Variants in WDFY1 observed in about 807,000 individuals in gnomAD.
WDFY1 encodes the protein WD repeat and FYVE domain containing 1.
In WDFY1, 32 loss-of-function variants were observed where a neutral mutation model predicts 56.4. The ratio of observed to expected loss-of-function variants is 0.57; its 90% CI spans 0.43 to 0.76. The LOEUF (loss-of-function observed/expected upper bound fraction) is 0.76. Among genes scored for constraint, WDFY1 ranks in the 30% least tolerant of loss-of-function variants. The probability of loss-of-function intolerance (pLI) is 0.00; values close to 1 mark genes in which losing one functional copy is unlikely to be tolerated. For synonymous variants in WDFY1, 192 were observed against 197.3 expected, an observed-to-expected ratio of 0.97 and a Z score of 0.23; for missense variants, 480 against 545.7, an observed-to-expected ratio of 0.88 and a Z score of 1.20.
chr2:223,879,215 C>G (rs1693023703), intron 11 of WDFY1, among the ~76,000 whole-genome samples: 1 of 152,086 alleles, frequency 6.6e-6, no homozygotes, highest in Non-Finnish European at 1.5e-5. Flanking sequence ...AAAGATAAAA[C>G]AATGTAGTTC....
intron 1 of WDFY1, among the ~76,000 whole-genome samples, chr2:223,927,959 G>GGAGA (rs372668847): frequency 6.6e-6 from 1 of 151,814 alleles, no homozygotes; most frequent in African/African-American, 2.4e-5. Flanking sequence ...AAAGAGGGAG[G>GGAGA]GAGAGAGAGA....
At chr2:223,916,584 G>A (rs1693792091) in intron 2 of WDFY1, among the ~76,000 whole-genome samples, 1 of 152,148 alleles carries the variant, frequency 6.6e-6, no homozygotes. Context: ...CACTGATTAA[G>A]GACGAAACCT....
Position 223,889,338 on chromosome 2 carries a change from C to T in WDFY1, c.832-4589G>A, listed in dbSNP as rs554572724. ...CACTTGTCAGCAGTGTCCTCAGGCA[C>T]GTGACTCAACTTCTCTGTGCCTAGG... On this transcript the variant is annotated intron_variant, in intron 8 of 11. Coordinates refer to ENST00000233055, the MANE Select transcript of WDFY1 (RefSeq NM_020830.5). 3.9e-5 allele frequency among the ~76,000 whole-genome samples: 6 copies of T among 152,262 alleles called. No homozygotes were observed. In the East Asian group the frequency reaches 7.7e-4, roughly 20 times the overall value.
At position 223,876,962 on chromosome 2, in the gene WDFY1, T is replaced by A. The variant is rs536365684; in HGVS notation, c.*1709A>T. The A allele has an allele frequency of 6.6e-6, 1 of 152,336 alleles. No homozygotes were observed. Among genetic ancestry groups the A allele is most frequent in the African/African-American group, 2.4e-5 (1 of 41,588 alleles). 9.4% of individuals were successfully genotyped at this position (152,336 alleles called of 1,614,324 possible). On this transcript the variant is annotated 3_prime_UTR_variant, in exon 12 of 12. Coordinates refer to ENST00000233055, the MANE Select transcript of WDFY1 (RefSeq NM_020830.5). ...CCACTACTCAATTTTTCTTCCAAAC[T>A]ATGTTAGTAATATACATTTTGCAAA...
At chr2:223,915,651 AATTTTCCCCAATGATGACAAAAC>A (rs1470653839) in intron 2 of WDFY1, among the ~76,000 whole-genome samples, 1 of 152,170 alleles carries the variant, frequency 6.6e-6, no homozygotes, top group Admixed American at 6.5e-5. Context: ...GTATTAACAA[AATTTTCCCCAATGATGACAAAAC>A]ATTTCCCAGC....
At chr2:223,934,504 G>A (rs73089298) in intron 1 of WDFY1, among the ~76,000 whole-genome samples, 6,048 of 152,094 alleles carry the variant, frequency 0.04, 357 homozygotes, top group African/African-American at 0.14. Context: ...TGTTTTTCAT[G>A]TTAGAAAAAT....
chr2:223,905,480 C>A (rs1267053342), intron 4 of WDFY1, among the ~76,000 whole-genome samples: 2 of 152,066 alleles, frequency 1.3e-5, no homozygotes, highest in Non-Finnish European at 2.9e-5. Flanking sequence ...CATACTGAGA[C>A]CTCGTCTCCA....
intron 1 of WDFY1, among the ~76,000 whole-genome samples, chr2:223,930,245 A>G (rs928414917): frequency 6.6e-6 from 1 of 152,200 alleles, no homozygotes; most frequent in East Asian, 1.9e-4. Flanking sequence ...CAATGTGCTC[A>G]ATTCTTTACT....
At chr2:223,889,856 T>C (rs1442157584) in intron 8 of WDFY1, among the ~76,000 whole-genome samples, 2 of 152,342 alleles carry the variant, frequency 1.3e-5, no homozygotes, top group African/African-American at 2.4e-5. Context: ...GTCCAGGCAA[T>C]GTGCCAAGTG....
chr2:223,945,180 C>A lies in WDFY1; in HGVS notation c.105G>T (p.Lys35Asn), dbSNP rs1689390377. Residue 35 changes from lysine to asparagine, a missense_variant, in exon 1 of 12, where the codon AAG becomes AAT. Physicochemically the swap from Lys to Asn is moderately conservative, Grantham distance 94. Transcript: ENST00000233055. ...CGCTGGCCGTGATCACGCCGTCCTCCTTGGGGATGAGCAGCGCGGCCGTGA... is the reference window on the plus strand; with the variant it reads ...CGCTGGCCGTGATCACGCCGTCCTCATTGGGGATGAGCAGCGCGGCCGTGA... Reference protein sequence around the residue: ...DAVTAALLIPKEDGVITASED... With the variant: ...DAVTAALLIPNEDGVITASED... 10 of 1,598,372 alleles carry A rather than the reference C, an allele frequency of 6.3e-6. No homozygotes were observed. The highest frequency in any genetic ancestry group is 7.7e-6 in the Non-Finnish European group (9 of 1,175,578).
intron 1 of WDFY1, among the ~76,000 whole-genome samples, chr2:223,939,993 T>C (rs1024604780): frequency 2.0e-5 from 3 of 152,238 alleles, no homozygotes; most frequent in African/African-American, 7.2e-5. Context: ...TCACTGCTTT[T>C]AGCGTTTGTA....
intron 8 of WDFY1, 104 bp from the exon 9 acceptor site, chr2:223,884,853 T>TCTC: frequency 1.7e-6 from 1 of 600,580 alleles, no homozygotes; most frequent in Non-Finnish European, 2.4e-6. Context: ...TAGTATTTCT[T>TCTC]TTCTTCTTTT....
chr2:223,897,869 T>G (rs1693425161), intron 6 of WDFY1, among the ~76,000 whole-genome samples: 1 of 152,080 alleles, frequency 6.6e-6, no homozygotes, highest in South Asian at 2.1e-4. Flanking sequence ...CTCCTGCTTT[T>G]GTCATGTGAT....
In WDFY1 at chr2:223,898,913, G is replaced by A. The variant is rs373240239; in HGVS notation, c.598+45C>T. ...ACATAGTAGAGAACTGAATTTGGAT[G>A]TCCAAGTTAGGCAAAAAAAACTCTT... On this transcript the variant is annotated intron_variant, in intron 6 of 11. Coordinates refer to ENST00000233055, the MANE Select transcript of WDFY1 (RefSeq NM_020830.5). The A allele has an allele frequency of 2.6e-4, 389 of 1,473,644 alleles. 1 individual carries two copies. Among genetic ancestry groups the A allele is most frequent in the Non-Finnish European group, 3.4e-4 (360 of 1,053,144 alleles). The allele number at this position is 1,473,644 out of a possible 1,614,324, so 91.3% of individuals were successfully genotyped here.
chr2:223,879,193 A>G (rs764082610), intron 11 of WDFY1, among the ~76,000 whole-genome samples: 17 of 152,262 alleles, frequency 1.1e-4, no homozygotes, highest in Non-Finnish European at 2.2e-4. Context: ...TCTCAAACAA[A>G]AAGATTTTCA....
intron 1 of WDFY1, among the ~76,000 whole-genome samples, chr2:223,930,376 C>A (rs753115287): frequency 6.6e-6 from 1 of 152,200 alleles, no homozygotes; most frequent in East Asian, 1.9e-4. Context: ...GTCACCCAGG[C>A]TGGAGTGCAA....
intron 2 of WDFY1, among the ~76,000 whole-genome samples, chr2:223,917,220 T>C (rs1202470826): frequency 2.0e-5 from 3 of 152,220 alleles, no homozygotes; most frequent in Non-Finnish European, 4.4e-5. Context: ...TGTTGTACCT[T>C]GGACCATGTC....
At chr2:223,941,075 G>A (rs551710150) in intron 1 of WDFY1, among the ~76,000 whole-genome samples, 11 of 152,244 alleles carry the variant, frequency 7.2e-5, no homozygotes, top group African/African-American at 2.2e-4. Context: ...ACCCGCCTCG[G>A]CCTCCCAAAG....
chr2:223,917,817 C>G lies in WDFY1; in HGVS notation c.205+126G>C, dbSNP rs1048043607. 5 of 1,013,248 alleles carry G rather than the reference C, an allele frequency of 4.9e-6. No individual in the cohort carries two copies. The African/African-American group carries it at 8.1e-5, about 17-fold the overall frequency. The allele number at this position is 1,013,248 out of a possible 1,614,324, so 62.8% of individuals were successfully genotyped here. On this transcript the variant is annotated intron_variant, in intron 2 of 11. Coordinates refer to ENST00000233055, the MANE Select transcript of WDFY1 (RefSeq NM_020830.5). Reference sequence around the variant, plus strand: ...AAACTCCTGACCCCAGGTGATCTACCCGCCTTGGCCTCTCAAAGTGCTGGG... The same window carrying G: ...AAACTCCTGACCCCAGGTGATCTACGCGCCTTGGCCTCTCAAAGTGCTGGG...
Sources: gnomAD v4.1 joint callset for allele counts (sites outside exome capture counted in the v4.1 genomes callset) on GRCh38, gnomAD v4.1.1 for gene constraint, MANE v1.5 for transcripts, NCBI Gene and HGNC (gene_info 2026-07-23, HGNC 2026-07-21) for gene names.